The following AIG1 variants were observed in gnomAD, a reference collection of about 807,000 sequenced individuals.
AIG1 encodes androgen induced 1.
In AIG1, 23 loss-of-function variants were observed where a neutral mutation model predicts 31.4. That is an observed-to-expected ratio of 0.73 (90% CI 0.53 to 1.04). AIG1 has a LOEUF of 1.04. Among genes scored for constraint, AIG1 ranks in the 50% least tolerant of loss-of-function variants. The probability of loss-of-function intolerance (pLI) is 0.00; values close to 1 mark genes in which losing one functional copy is unlikely to be tolerated. For synonymous variants in AIG1, 100 were observed against 110.5 expected, an observed-to-expected ratio of 0.90 and a Z score of 0.60; for missense variants, 274 against 295.0, an observed-to-expected ratio of 0.93 and a Z score of 0.52.
intron 3 of AIG1, among the ~76,000 whole-genome samples, chr6:143,267,394 A>G (rs1341248828): frequency 1.3e-5 from 2 of 152,188 alleles, no homozygotes; most frequent in African/African-American, 4.8e-5. Flanking sequence ...TTCTACTTTC[A>G]TAATCCATAA....
chr6:143,196,509 A>G (rs746309789), intron 3 of AIG1, among the ~76,000 whole-genome samples: 3 of 152,180 alleles, frequency 2.0e-5, no homozygotes, highest in African/African-American at 4.8e-5. Context: ...TTCCATAGGC[A>G]TGCCATTAGA....
chr6:143,165,392 A>T (rs1786829413), intron 3 of AIG1, among the ~76,000 whole-genome samples: 1 of 152,198 alleles, frequency 6.6e-6, no homozygotes, highest in Non-Finnish European at 1.5e-5. Flanking sequence ...TATTCAAACG[A>T]TGTAGTAGAT....
chr6:143,287,680 T>C (rs895667370), intron 4 of AIG1, among the ~76,000 whole-genome samples: 1 of 135,916 alleles, frequency 7.4e-6, no homozygotes, highest in Non-Finnish European at 1.5e-5. Flanking sequence ...ATGTACCCCA[T>C]AGTTGGAAAG....
intron 1 of AIG1, among the ~76,000 whole-genome samples, chr6:143,077,368 T>G (rs892592427): frequency 3.3e-5 from 5 of 152,242 alleles, no homozygotes; most frequent in African/African-American, 1.2e-4. Context: ...TATTTCAGCA[T>G]TTCATTAAGA....
intron 1 of AIG1, among the ~76,000 whole-genome samples, chr6:143,068,148 C>G (rs1326789028): frequency 6.6e-6 from 1 of 152,212 alleles, no homozygotes; most frequent in African/African-American, 2.4e-5. Context: ...CACTTCTTTT[C>G]CCATTCCTGC....
At chr6:143,079,785 T>C (rs1009528116) in intron 1 of AIG1, among the ~76,000 whole-genome samples, 2 of 146,892 alleles carry the variant, frequency 1.4e-5, no homozygotes, top group Non-Finnish European at 3.0e-5. Flanking sequence ...ATTCCTTTTT[T>C]TTTTTTTTTT....
intron 3 of AIG1, among the ~76,000 whole-genome samples, chr6:143,219,232 G>A (rs535857822): frequency 6.6e-6 from 1 of 152,310 alleles, no homozygotes; most frequent in South Asian, 2.1e-4. Flanking sequence ...GAAGTCAAGA[G>A]ATGGACCCTA....
At chr6:143,095,625 G>A (rs974196045) in intron 1 of AIG1, among the ~76,000 whole-genome samples, 4 of 152,056 alleles carry the variant, frequency 2.6e-5, no homozygotes. Context: ...GGCAAAAATT[G>A]TCTTCTAAAA....
downstream of AIG1, chr6:143,342,499 A>G (rs1777877628): frequency 2.5e-6 from 2 of 795,512 alleles, no homozygotes; most frequent in Admixed American, 1.7e-5. Context: ...CTGGTGGAAG[A>G]AACAGTCTTT....
chr6:143,263,145 C>T (rs1795924989), intron 3 of AIG1, among the ~76,000 whole-genome samples: 1 of 152,142 alleles, frequency 6.6e-6, no homozygotes, highest in Non-Finnish European at 1.5e-5. Context: ...TGGCCTTTCC[C>T]CAGTATTGCT....
At chr6:143,178,253 T>C (rs1788373079) in intron 3 of AIG1, among the ~76,000 whole-genome samples, 1 of 152,144 alleles carries the variant, frequency 6.6e-6, no homozygotes, top group African/African-American at 2.4e-5. Flanking sequence ...TGGGTGGATG[T>C]GGTGGGATGT....
chr6:143,182,768 G>A (rs1448555215), intron 3 of AIG1, among the ~76,000 whole-genome samples: 2 of 152,176 alleles, frequency 1.3e-5, no homozygotes, highest in Non-Finnish European at 2.9e-5. Flanking sequence ...CTAGAACAAT[G>A]CCTGTACAAA....
chr6:143,129,773 G>A (rs988837784), intron 1 of AIG1, among the ~76,000 whole-genome samples: 4 of 151,642 alleles, frequency 2.6e-5, no homozygotes, highest in African/African-American at 4.8e-5. Flanking sequence ...ACAAAAAATT[G>A]TTGAGTAATT....
At chr6:143,142,334 G>T (rs1784310782) in intron 2 of AIG1, among the ~76,000 whole-genome samples, 1 of 152,084 alleles carries the variant, frequency 6.6e-6, no homozygotes, top group African/African-American at 2.4e-5. Context: ...TCAGCCTCCT[G>T]AGTATCCAGA....
intron 3 of AIG1, among the ~76,000 whole-genome samples, chr6:143,243,800 T>C (rs930512678): frequency 2.0e-5 from 3 of 152,144 alleles, no homozygotes; most frequent in African/African-American, 7.2e-5. Flanking sequence ...TAGGAAAACA[T>C]ATCCCAACAT....
chr6:143,199,197 C>T (rs925388239), intron 3 of AIG1, among the ~76,000 whole-genome samples: 1 of 152,040 alleles, frequency 6.6e-6, no homozygotes, highest in African/African-American at 2.4e-5. Context: ...AATATTTGAA[C>T]AAAGACTAGA....
At chr6:143,159,653 G>T (rs1197982366) in intron 2 of AIG1, among the ~76,000 whole-genome samples, 2 of 152,196 alleles carry the variant, frequency 1.3e-5, no homozygotes, top group Admixed American at 6.5e-5. Context: ...ATTTTAGAGA[G>T]CCCTAAGCTT....
chr6:143,238,360 A>C (rs1793972359), intron 3 of AIG1, among the ~76,000 whole-genome samples: 1 of 152,236 alleles, frequency 6.6e-6, no homozygotes, highest in Non-Finnish European at 1.5e-5. Flanking sequence ...TCATAACAAC[A>C]ACCCAGGCAG....
At chr6:143,193,694 T>G (rs1333743430) in intron 3 of AIG1, among the ~76,000 whole-genome samples, 1 of 152,228 alleles carries the variant, frequency 6.6e-6, no homozygotes. Flanking sequence ...TTAATAGAGA[T>G]TTGTCTCTTG....
Sources: allele counts gnomAD v4.1 joint callset (sites outside exome capture counted in the v4.1 genomes callset), GRCh38; gene constraint gnomAD v4.1.1; transcripts MANE v1.5; gene names NCBI Gene and HGNC (gene_info 2026-07-23, HGNC 2026-07-21).